BRINP3: variants seen among roughly 807,000 people sequenced by gnomAD.
BRINP3 encodes BMP/retinoic acid inducible neural specific 3.
BRINP3 carries 19 observed loss-of-function variants against 71.0 expected under a neutral mutation model. The observed-to-expected ratio is 0.27, with a 90% CI of 0.19 to 0.39. The LOEUF (loss-of-function observed/expected upper bound fraction) is 0.39, where lower values mean the gene tolerates loss of function less well. Among genes scored for constraint, BRINP3 ranks in the 10% least tolerant of loss-of-function variants. The probability of loss-of-function intolerance (pLI) is 1.00; values close to 1 mark genes in which losing one functional copy is unlikely to be tolerated. For synonymous variants in BRINP3, 380 were observed against 337.7 expected, an observed-to-expected ratio of 1.13 and a Z score of -1.37; for missense variants, 959 against 940.8, an observed-to-expected ratio of 1.02 and a Z score of -0.25.
At chr1:190,413,770 T>A (rs767138210) in intron 2 of BRINP3, among the ~76,000 whole-genome samples, 5 of 152,196 alleles carry the variant, frequency 3.3e-5, no homozygotes, top group Non-Finnish European at 5.9e-5. Context: ...TCGTACTATG[T>A]TACAGCAGCT....
At chr1:190,443,068 G>T (rs1674942604) in intron 2 of BRINP3, among the ~76,000 whole-genome samples, 1 of 151,536 alleles carries the variant, frequency 6.6e-6, no homozygotes, top group South Asian at 2.1e-4. Context: ...GTGCGCCACT[G>T]CACCCGTCTA....
chr1:190,396,521 C>A (rs1571944295), intron 2 of BRINP3, among the ~76,000 whole-genome samples: 1 of 151,176 alleles, frequency 6.6e-6, no homozygotes, highest in East Asian at 1.9e-4. Context: ...ACCAACTTAC[C>A]AGCCATCAAC....
In BRINP3 at chr1:190,137,847, A is replaced by G. The variant is rs1247212350; in HGVS notation, c.1184+22821T>C. On this transcript the variant is annotated intron_variant, in intron 7 of 7. Coordinates refer to ENST00000367462, the MANE Select transcript of BRINP3 (RefSeq NM_199051.3). Reference sequence around the variant, plus strand: ...ATTGATTAAATATAAATTATTTTAGATACTTTACATATGCTGATTCTTGTA... The same window carrying G: ...ATTGATTAAATATAAATTATTTTAGGTACTTTACATATGCTGATTCTTGTA... 2.0e-5 allele frequency among the ~76,000 whole-genome samples: 3 copies of G among 152,174 alleles called. No homozygotes were observed. The East Asian group carries it at 5.8e-4, about 29-fold the overall frequency.
intron 7 of BRINP3, among the ~76,000 whole-genome samples, chr1:190,135,130 T>C (rs919924391): frequency 6.6e-6 from 1 of 152,132 alleles, no homozygotes; most frequent in Admixed American, 6.6e-5. Context: ...CCTGGTTGAA[T>C]CTTCACAAAG....
At chr1:190,330,058 T>A (rs934382107) in intron 2 of BRINP3, among the ~76,000 whole-genome samples, 1 of 152,026 alleles carries the variant, frequency 6.6e-6, no homozygotes, top group Non-Finnish European at 1.5e-5. Flanking sequence ...GAAATATCAT[T>A]CTGGTCATTT....
At position 190,153,764 on chromosome 1, in the gene BRINP3, G is replaced by T. The variant is rs111271062; in HGVS notation, c.1184+6904C>A. 3.5e-3 allele frequency among the ~76,000 whole-genome samples: 533 copies of T among 152,268 alleles called. 4 individuals carry two copies. The highest frequency in any genetic ancestry group is 0.012 in the African/African-American group (504 of 41,536). On this transcript the variant is annotated intron_variant, in intron 7 of 7. Transcript: ENST00000367462. ...TAGTCCCAGCTACTCAGGAGACTGA[G>T]GTTGGAGGATCCCTTGAGCTCAGGA...
At chr1:190,304,120 AT>A (rs1209996783) in intron 2 of BRINP3, among the ~76,000 whole-genome samples, 2 of 151,862 alleles carry the variant, frequency 1.3e-5, no homozygotes, top group African/African-American at 4.8e-5. Flanking sequence ...ACTTGAAGAA[AT>A]TACTTTGTCA....
intron 2 of BRINP3, among the ~76,000 whole-genome samples, chr1:190,424,760 C>A (rs547342236): frequency 6.6e-6 from 1 of 151,764 alleles, no homozygotes; most frequent in African/African-American, 2.4e-5. Context: ...CTAAAAAATA[C>A]CACAGATCAT....
chr1:190,454,555 T>A (rs1675858201), intron 2 of BRINP3, 100 bp downstream of exon 2: 2 of 882,318 alleles, frequency 2.3e-6, no homozygotes, highest in South Asian at 1.7e-5. Context: ...ACCCTTCTGA[T>A]AATACCTTTT....
intron 4 of BRINP3, among the ~76,000 whole-genome samples, chr1:190,238,629 C>A (rs192864816): frequency 1.3e-5 from 2 of 152,192 alleles, no homozygotes; most frequent in East Asian, 3.9e-4. Flanking sequence ...CAAAGCCAGA[C>A]GATGCCAAGT....
At chr1:190,218,833 C>A (rs1287031173) in intron 6 of BRINP3, among the ~76,000 whole-genome samples, 2 of 152,044 alleles carry the variant, frequency 1.3e-5, no homozygotes, top group African/African-American at 2.4e-5. Context: ...AGGGAGCCTA[C>A]ATTTACTAAC....
intron 2 of BRINP3, among the ~76,000 whole-genome samples, chr1:190,369,722 T>C (rs1669737856): frequency 6.6e-6 from 1 of 152,098 alleles, no homozygotes; most frequent in Non-Finnish European, 1.5e-5. Flanking sequence ...ACTAGCTTGC[T>C]AGGAAAATTT....
chr1:190,296,428 A>G (rs977446622), intron 2 of BRINP3, among the ~76,000 whole-genome samples: 3 of 152,074 alleles, frequency 2.0e-5, no homozygotes, highest in Non-Finnish European at 2.9e-5. Context: ...CCTCAAGATA[A>G]TAAGGATTAT....
At chr1:190,412,494 G>A (rs1672750633) in intron 2 of BRINP3, among the ~76,000 whole-genome samples, 1 of 130,234 alleles carries the variant, frequency 7.7e-6, no homozygotes, top group South Asian at 2.3e-4. Flanking sequence ...ACGGAGTCTC[G>A]CTCTGTCGCC....
intron 6 of BRINP3, among the ~76,000 whole-genome samples, chr1:190,213,056 G>A (rs12564065): frequency 0.4 from 60,772 of 151,776 alleles, 13,134 homozygotes; most frequent in Non-Finnish European, 0.49. Context: ...CCCTTTAGAA[G>A]AGGCTGAAAT....
At chr1:190,331,934 G>A (rs978374158) in intron 2 of BRINP3, among the ~76,000 whole-genome samples, 1 of 151,862 alleles carries the variant, frequency 6.6e-6, no homozygotes, top group African/African-American at 2.4e-5. Context: ...TGTTATCAAT[G>A]CATCACTAGT....
At chr1:190,258,676 A>G (rs957371245) in intron 4 of BRINP3, among the ~76,000 whole-genome samples, 2 of 152,248 alleles carry the variant, frequency 1.3e-5, no homozygotes, top group African/African-American at 4.8e-5. Flanking sequence ...TATAATTTCA[A>G]TGAAATGGAA....
At chr1:190,127,523 A>G (rs1234897081) in intron 7 of BRINP3, among the ~76,000 whole-genome samples, 1 of 151,870 alleles carries the variant, frequency 6.6e-6, no homozygotes, top group Non-Finnish European at 1.5e-5. Flanking sequence ...CAGACTTTCT[A>G]AAAGTTACAT....
chr1:190,467,029 A>G (rs942299788), intron 1 of BRINP3, among the ~76,000 whole-genome samples: 5 of 151,626 alleles, frequency 3.3e-5, no homozygotes, highest in African/African-American at 1.2e-4. Flanking sequence ...GACTATTTTC[A>G]GAAATGTCCT....
Sources: gnomAD v4.1 joint callset for allele counts (sites outside exome capture counted in the v4.1 genomes callset) on GRCh38, gnomAD v4.1.1 for gene constraint, MANE v1.5 for transcripts, NCBI Gene and HGNC (gene_info 2026-07-23, HGNC 2026-07-21) for gene names.